The following FTO variants were observed in gnomAD, a reference collection of about 807,000 sequenced individuals.
FTO encodes the protein alpha-ketoglutarate-dependent dioxygenase FTO.
FTO carries 47 observed loss-of-function variants against 63.9 expected under a neutral mutation model. That is an observed-to-expected ratio of 0.74 (90% confidence interval 0.58 to 0.94). FTO has a LOEUF of 0.94. FTO is among the 40% of genes least tolerant of loss of function. The probability of loss-of-function intolerance (pLI) is 0.00; values close to 1 mark genes in which losing one functional copy is unlikely to be tolerated. For missense variants in FTO, 562 were observed against 618.1 expected (o/e 0.91, Z 0.96); for synonymous variants, 207 against 224.4 (o/e 0.92, Z 0.69).
chr16:54,041,211 C>T (rs539478300), intron 8 of FTO, among the ~76,000 whole-genome samples: 26 of 152,074 alleles, frequency 1.7e-4, no homozygotes, highest in Non-Finnish European at 2.8e-4. Context: ...ATGGTGGGGA[C>T]GCCTCAGGAA....
chr16:53,736,322 T>A (rs2076390510), intron 1 of FTO, among the ~76,000 whole-genome samples: 1 of 151,990 alleles, frequency 6.6e-6, no homozygotes, highest in Non-Finnish European at 1.5e-5. Context: ...ACCTGCACGT[T>A]GTGCACATGT....
chr16:53,756,005 T>C (rs921046374), intron 1 of FTO, among the ~76,000 whole-genome samples: 1 of 152,238 alleles, frequency 6.6e-6, no homozygotes, highest in African/African-American at 2.4e-5. Flanking sequence ...TTTCTACACT[T>C]GCAGAAGATG....
At chr16:54,083,068 A>G (rs565383570) in intron 8 of FTO, among the ~76,000 whole-genome samples, 6 of 152,330 alleles carry the variant, frequency 3.9e-5, no homozygotes, top group African/African-American at 1.4e-4. Context: ...CTGGTGTTTC[A>G]CCAACATCTA....
intron 1 of FTO, among the ~76,000 whole-genome samples, chr16:53,747,611 T>A (rs1479410545): frequency 1.3e-5 from 2 of 152,214 alleles, no homozygotes; most frequent in East Asian, 3.8e-4. Flanking sequence ...TCCCAATCTG[T>A]AGGTTGTCTC....
chr16:53,973,535 G>A (rs2083375826), intron 8 of FTO, among the ~76,000 whole-genome samples: 1 of 152,142 alleles, frequency 6.6e-6, no homozygotes, highest in Non-Finnish European at 1.5e-5. Flanking sequence ...GGTTGGAAAG[G>A]GCTAGTTTTG....
chr16:53,831,246 T>G (rs1005227522), intron 3 of FTO, among the ~76,000 whole-genome samples: 3 of 152,226 alleles, frequency 2.0e-5, no homozygotes, highest in African/African-American at 7.2e-5. Flanking sequence ...CGTCCCAGCA[T>G]CCCTGTCTAA....
chr16:53,777,492 A>G (rs2077488694), intron 1 of FTO, among the ~76,000 whole-genome samples: 1 of 152,194 alleles, frequency 6.6e-6, no homozygotes, highest in South Asian at 2.1e-4. Flanking sequence ...TTACTTTGTT[A>G]TATTAAAATC....
chr16:54,027,505 A>G (rs1368805530), intron 8 of FTO, among the ~76,000 whole-genome samples: 1 of 151,850 alleles, frequency 6.6e-6, no homozygotes, highest in Non-Finnish European at 1.5e-5. Flanking sequence ...TTTTCTTAGG[A>G]AAGTTAAACA....
intron 8 of FTO, among the ~76,000 whole-genome samples, chr16:53,951,174 A>G (rs575120462): frequency 1.3e-5 from 2 of 152,220 alleles, no homozygotes; most frequent in South Asian, 4.1e-4. Context: ...GAGATTGGAT[A>G]AGACCTTTGA....
intron 8 of FTO, among the ~76,000 whole-genome samples, chr16:54,075,768 C>T (rs993198844): frequency 8.6e-5 from 13 of 152,000 alleles, no homozygotes; most frequent in South Asian, 2.1e-4. Flanking sequence ...TGAAATTTTT[C>T]GATGAAATTA....
chr16:53,979,083 A>G (rs1314941928), intron 8 of FTO, among the ~76,000 whole-genome samples: 1 of 152,206 alleles, frequency 6.6e-6, no homozygotes. Flanking sequence ...TGTTTTTAAA[A>G]TCGTTATACT....
chr16:53,928,930 G>A (rs1292322739), intron 7 of FTO, among the ~76,000 whole-genome samples: 1 of 151,958 alleles, frequency 6.6e-6, no homozygotes, highest in Non-Finnish European at 1.5e-5. Context: ...TACAACCTAT[G>A]CCTCCTGGGT....
intron 3 of FTO, among the ~76,000 whole-genome samples, chr16:53,838,457 T>C (rs1567345222): frequency 2.0e-5 from 3 of 151,908 alleles, no homozygotes; most frequent in Non-Finnish European, 2.9e-5. Context: ...ATTACAGGCA[T>C]GTGCCACCAC....
At chr16:54,066,061 C>T (rs1201317886) in intron 8 of FTO, among the ~76,000 whole-genome samples, 1 of 152,204 alleles carries the variant, frequency 6.6e-6, no homozygotes, top group Non-Finnish European at 1.5e-5. Flanking sequence ...CCTCCTAACC[C>T]AGTGAGATGA....
intron 1 of FTO, among the ~76,000 whole-genome samples, chr16:53,724,328 G>A (rs1340989895): frequency 6.6e-6 from 1 of 152,196 alleles, no homozygotes; most frequent in Non-Finnish European, 1.5e-5. Context: ...AAGGAAGAGT[G>A]GATGATAGTG....
chr16:53,949,184 T>A (rs1379767443), intron 8 of FTO, among the ~76,000 whole-genome samples: 3 of 152,220 alleles, frequency 2.0e-5, no homozygotes, highest in Non-Finnish European at 4.4e-5. Flanking sequence ...ATTTCTCCTG[T>A]TACACCCTTG....
intron 7 of FTO, among the ~76,000 whole-genome samples, chr16:53,897,188 G>A (rs1483841579): frequency 6.6e-6 from 1 of 151,974 alleles, no homozygotes; most frequent in Non-Finnish European, 1.5e-5. Flanking sequence ...AAATGTGATT[G>A]ACATTTTTTT....
intron 3 of FTO, among the ~76,000 whole-genome samples, chr16:53,831,419 T>G (rs2079140948): frequency 6.6e-6 from 1 of 151,522 alleles, no homozygotes; most frequent in Admixed American, 6.6e-5. Context: ...CAATAAGGTC[T>G]CCCATGAAGA....
At position 54,061,868 on chromosome 16, in the gene FTO, T is replaced by A. The variant is rs534882227; in HGVS notation, c.1365-49894T>A. On this transcript the variant is annotated intron_variant, in intron 8 of 8. Coordinates refer to ENST00000471389, the MANE Select transcript of FTO (RefSeq NM_001080432.3). Reference sequence around the variant, plus strand: ...GAAACTGTTGAGTAGCATTAGAAGGTCACTTTGGGCAGGCCAGTGAAATGA... The same window carrying A: ...GAAACTGTTGAGTAGCATTAGAAGGACACTTTGGGCAGGCCAGTGAAATGA... 7.9e-5 allele frequency: 12 copies of A among 152,282 alleles called. No individual in the cohort carries two copies. In the East Asian group the frequency reaches 2.3e-3, roughly 29 times the overall value. The allele number at this position is 152,282 out of a possible 1,614,324, so 9.4% of individuals were successfully genotyped here. A position where few individuals can be genotyped will look rare whatever the true frequency, so the allele number is the denominator to read the frequency against.
Sources: allele counts gnomAD v4.1 joint callset (sites outside exome capture counted in the v4.1 genomes callset), GRCh38; gene constraint gnomAD v4.1.1; transcripts MANE v1.5; gene names NCBI Gene and HGNC (gene_info 2026-07-23, HGNC 2026-07-21).